NAF1: variants seen among roughly 807,000 people sequenced by gnomAD.
The protein encoded by NAF1 is H/ACA ribonucleoprotein complex non-core subunit NAF1.
A neutral mutation model predicts 40.6 loss-of-function variants in NAF1; 11 were observed. The ratio of observed to expected loss-of-function variants is 0.27; its 90% CI spans 0.17 to 0.45. The LOEUF (loss-of-function observed/expected upper bound fraction) is 0.45, where lower values mean the gene tolerates loss of function less well. Among genes scored for constraint, NAF1 ranks in the 20% least tolerant of loss-of-function variants. NAF1 has a pLI of 1.00. For synonymous variants in NAF1, 260 were observed against 228.5 expected, an observed-to-expected ratio of 1.14 and a Z score of -1.24; for missense variants, 607 against 611.1, an observed-to-expected ratio of 0.99 and a Z score of 0.07.
chr4:163,164,165 C>A, intron 2 of NAF1, 52 bp downstream of exon 2: 2 of 1,429,704 alleles, frequency 1.4e-6, no homozygotes, highest in Admixed American at 3.1e-5. Flanking sequence ...ATACTGGTAC[C>A]AGAATACGTT....
At chr4:163,122,912 T>C (rs1730555924), downstream of NAF1, among the ~76,000 whole-genome samples, 1 of 152,244 alleles carries the variant, frequency 6.6e-6, no homozygotes, top group Non-Finnish European at 1.5e-5. Context: ...TGTGATATTC[T>C]GATAAAAAAG....
chr4:163,117,111 A>G (rs1370083631), intron 2 of NAF1, among the ~76,000 whole-genome samples: 1 of 152,200 alleles, frequency 6.6e-6, no homozygotes, highest in African/African-American at 2.4e-5. Flanking sequence ...GCTGTTTTAC[A>G]GTTCTACGGC....
At position 163,162,864 on chromosome 4, in the gene NAF1, T is replaced by C. The variant is rs1732282323; in HGVS notation, c.540+1353A>G. 1.3e-5 allele frequency among the ~76,000 whole-genome samples: 2 copies of C among 152,174 alleles called. 1 individual carries two copies. The highest frequency in any genetic ancestry group is 4.1e-4 in the South Asian group (2 of 4,834). On this transcript the variant is annotated intron_variant, in intron 2 of 7. Transcript: ENST00000274054. ...ATATGAACTCAGTCCTCAAAGAACT[T>C]GTTCTTGGACTCCTTGTGGCCACAA...
At chr4:163,115,263 C>T (rs928713127) in intron 2 of NAF1, among the ~76,000 whole-genome samples, 5 of 133,916 alleles carry the variant, frequency 3.7e-5, no homozygotes, top group Non-Finnish European at 6.1e-5. Flanking sequence ...GGCTGGAGTG[C>T]AGTGGCGCCA....
chr4:163,162,547 C>T (rs534268305), intron 2 of NAF1, among the ~76,000 whole-genome samples: 6 of 152,240 alleles, frequency 3.9e-5, no homozygotes, highest in African/African-American at 1.2e-4. Context: ...TTTTGTCTTT[C>T]GAGGCAAACA....
intron 4 of NAF1, among the ~76,000 whole-genome samples, chr4:163,142,590 T>C (rs1168751511): frequency 6.6e-6 from 1 of 152,228 alleles, no homozygotes; most frequent in East Asian, 1.9e-4. Flanking sequence ...GAGCCACAAC[T>C]ATAATGAAAT....
At chr4:163,115,900 G>C (rs1181394047) in intron 2 of NAF1, among the ~76,000 whole-genome samples, 1 of 152,118 alleles carries the variant, frequency 6.6e-6, no homozygotes, top group East Asian at 1.9e-4. Context: ...TATTTGTAGA[G>C]ATCTATTTCT....
chr4:163,154,155 G>GCGAAGGT (rs1345234195), intron 2 of NAF1, among the ~76,000 whole-genome samples: 1 of 152,184 alleles, frequency 6.6e-6, no homozygotes, highest in Non-Finnish European at 1.5e-5. Flanking sequence ...AACACTCACC[G>GCGAAGGT]CGAAGGTCTG....
chr4:163,155,036 C>G (rs1013981975), intron 2 of NAF1, among the ~76,000 whole-genome samples: 1 of 152,134 alleles, frequency 6.6e-6, no homozygotes, highest in Non-Finnish European at 1.5e-5. Flanking sequence ...GGATAGATCT[C>G]TGAAAGGTAC....
intron 6 of NAF1, chr4:163,136,138 A>T (rs1560789230): frequency 6.6e-6 from 1 of 152,162 alleles, no homozygotes; most frequent in Non-Finnish European, 1.5e-5. Flanking sequence ...TGCTTTAAAC[A>T]TCTAAAATGG....
intron 2 of NAF1, among the ~76,000 whole-genome samples, chr4:163,150,058 T>C (rs904496625): frequency 4.6e-5 from 7 of 152,094 alleles, no homozygotes; most frequent in African/African-American, 1.7e-4. Context: ...AAACAAAAAT[T>C]TGAGTACTTT....
At position 163,164,402 on chromosome 4, in the gene NAF1, G is replaced by A. The variant is rs1579195205; in HGVS notation, c.366-11C>T. On this transcript the variant is annotated splice_polypyrimidine_tract_variant and intron_variant, in intron 1 of 7. Coordinates refer to ENST00000274054, the MANE Select transcript of NAF1 (RefSeq NM_138386.3). ...TCTGAATCTGTTTCACTGTAGGGAA[G>A]AAAACAGTTAAAAAAATAGTCCAGT... 1 of 1,511,938 alleles carries A rather than the reference G, an allele frequency of 6.6e-7. No homozygotes were observed. The highest frequency in any genetic ancestry group is 8.8e-7 in the Non-Finnish European group (1 of 1,132,624). 93.7% of individuals were successfully genotyped at this position (1,511,938 alleles called of 1,614,324 possible). A position where few individuals can be genotyped will look rare whatever the true frequency, so the allele number is the denominator to read the frequency against.
chr4:163,126,930 A>G (rs542215597), downstream of NAF1: 20 of 1,518,056 alleles, frequency 1.3e-5, no homozygotes, highest in South Asian at 2.6e-5. Flanking sequence ...TTTGAACAGT[A>G]AAGTATTCTC....
chr4:163,131,200 T>C (rs1730861008), intron 7 of NAF1, among the ~76,000 whole-genome samples: 1 of 152,142 alleles, frequency 6.6e-6, no homozygotes, highest in African/African-American at 2.4e-5. Flanking sequence ...AATGACTTCT[T>C]AGATAGGACA....
At chr4:163,117,715 A>ACACACACACACACACG (rs1393463048) in intron 2 of NAF1, among the ~76,000 whole-genome samples, 1 of 151,324 alleles carries the variant, frequency 6.6e-6, no homozygotes, top group African/African-American at 2.4e-5. Flanking sequence ...ACACACACAC[A>ACACACACACACACACG]CACGCATGAA....
At chr4:163,142,508 A>G (rs1731300591) in intron 4 of NAF1, among the ~76,000 whole-genome samples, 1 of 152,216 alleles carries the variant, frequency 6.6e-6, no homozygotes, top group Non-Finnish European at 1.5e-5. Flanking sequence ...AATATAAGTG[A>G]CATTCAAAAT....
chr4:163,154,883 AC>A (rs1731908941), intron 2 of NAF1, among the ~76,000 whole-genome samples: 1 of 123,292 alleles, frequency 8.1e-6, no homozygotes, highest in Admixed American at 9.1e-5. Flanking sequence ...AGAAAACAAA[AC>A]AAAAACAAAA....
downstream of NAF1, among the ~76,000 whole-genome samples, chr4:163,105,174 G>A (rs1285055545): frequency 6.6e-6 from 1 of 152,198 alleles, no homozygotes; most frequent in Non-Finnish European, 1.5e-5. Flanking sequence ...TATCAGCCAT[G>A]GGCTCTGGGT....
At chr4:163,109,121 T>G (rs6841345), downstream of NAF1, among the ~76,000 whole-genome samples, 1 of 150,546 alleles carries the variant, frequency 6.6e-6, no homozygotes, top group African/African-American at 2.4e-5. Context: ...TATTAAATCA[T>G]CTCCAGTCAT....
Sources: allele counts gnomAD v4.1 joint callset (sites outside exome capture counted in the v4.1 genomes callset), GRCh38; gene constraint gnomAD v4.1.1; transcripts MANE v1.5; gene names NCBI Gene and HGNC (gene_info 2026-07-23, HGNC 2026-07-21).